Variants in TMIGD3 observed in about 807,000 individuals in gnomAD.
The protein encoded by TMIGD3 is AD026 protein (AD026).
In TMIGD3, 21 loss-of-function variants were observed where a neutral mutation model predicts 28.1. That is an observed-to-expected ratio of 0.75 (90% CI 0.53 to 1.08). The LOEUF (loss-of-function observed/expected upper bound fraction) is 1.08. Among genes scored for constraint, TMIGD3 ranks in the 50% least tolerant of loss-of-function variants. The pLI, the probability that TMIGD3 is intolerant of heterozygous loss-of-function variation, is 0.00. For missense variants in TMIGD3, 416 were observed against 435.6 expected (o/e 0.96, Z 0.40); for synonymous variants, 151 against 162.1 (o/e 0.93, Z 0.52).
At chr1:111,521,956 G>T (rs562449992) in intron 1 of TMIGD3, among the ~76,000 whole-genome samples, 3 of 152,234 alleles carry the variant, frequency 2.0e-5, no homozygotes, top group South Asian at 2.1e-4. Context: ...AAGGGTTGAG[G>T]TTCATTTTAT....
At position 111,529,997 on chromosome 1, in the gene TMIGD3, C is replaced by T. The variant is rs368236454; in HGVS notation, c.107+33849G>A. On this transcript the variant is annotated intron_variant, in intron 1 of 5. Transcript: ENST00000369717. ...GGATGGGGCGGCTGGCCGGGCGGGG[C>T]GCTGACCCCCCCACCTCCCTCCCGG... Among the ~76,000 whole-genome samples the T allele has an allele frequency of 8.8e-3, 503 of 57,184 alleles. 10 individuals are homozygous for T. Among genetic ancestry groups the T allele is most frequent in the African/African-American group, 0.028 (476 of 16,934 alleles). The allele number at this position is 57,184 out of a possible 152,430, so 37.5% of individuals were successfully genotyped here.
chr1:111,486,756 T>A, intron 3 of TMIGD3, 104 bp from the exon 4 acceptor site: 1 of 965,884 alleles, frequency 1.0e-6, no homozygotes, highest in Admixed American at 1.9e-5. Context: ...AGAGAGTGAG[T>A]CCCCTGGTTG....
intron 1 of TMIGD3, among the ~76,000 whole-genome samples, chr1:111,533,648 G>A (rs1656526659): frequency 6.6e-6 from 1 of 152,136 alleles, no homozygotes; most frequent in East Asian, 1.9e-4. Flanking sequence ...CCACTCCCTA[G>A]GCTCAAGTGA....
intron 1 of TMIGD3, among the ~76,000 whole-genome samples, chr1:111,557,536 T>A: frequency 6.7e-6 from 1 of 149,272 alleles, no homozygotes; most frequent in South Asian, 2.1e-4. Context: ...GGCAATAGAG[T>A]GAGACTCCAT....
chr1:111,540,361 G>A lies in TMIGD3; in HGVS notation c.107+23485C>T, dbSNP rs536979213. Among the ~76,000 whole-genome samples the A allele has an allele frequency of 3.3e-5, 5 of 152,320 alleles. No homozygotes were observed. In the South Asian group the frequency reaches 8.3e-4, roughly 25 times the overall value. On this transcript the variant is annotated intron_variant, in intron 1 of 5. Transcript: ENST00000369717. Reference sequence around the variant, plus strand: ...TCTGCTGCTTCATCTCCTTGGCATGGGGCAGCAGCCAGTCCTGCAGTTAGC... The same window carrying A: ...TCTGCTGCTTCATCTCCTTGGCATGAGGCAGCAGCCAGTCCTGCAGTTAGC...
chr1:111,507,812 C>A (rs924997598), upstream of TMIGD3, among the ~76,000 whole-genome samples: 1 of 152,230 alleles, frequency 6.6e-6, no homozygotes, highest in Non-Finnish European at 1.5e-5. Flanking sequence ...GTTTGCTAGC[C>A]GACAGCTGAG....
At chr1:111,504,253 T>G, upstream of TMIGD3, 3 of 456,894 alleles carry the variant, frequency 6.6e-6, no homozygotes, top group Non-Finnish European at 8.6e-6. Flanking sequence ...ACACTGGCAC[T>G]TATGCTGGCA....
At chr1:111,491,230 G>C (rs528330861) in intron 1 of TMIGD3, among the ~76,000 whole-genome samples, 1 of 152,238 alleles carries the variant, frequency 6.6e-6, no homozygotes, top group Non-Finnish European at 1.5e-5. Context: ...CACGGGTGGC[G>C]CATGCCAGCT....
At chr1:111,534,082 A>G (rs1294125899) in intron 1 of TMIGD3, among the ~76,000 whole-genome samples, 1 of 152,132 alleles carries the variant, frequency 6.6e-6, no homozygotes, top group African/African-American at 2.4e-5. Context: ...TATAATAAGA[A>G]CGATATAGAT....
chr1:111,516,579 G>A (rs1472806264), intron 1 of TMIGD3, among the ~76,000 whole-genome samples: 1 of 152,182 alleles, frequency 6.6e-6, no homozygotes, highest in Admixed American at 6.5e-5. Context: ...AGAACACACA[G>A]GACACACAAT....
chr1:111,539,830 G>T (rs1383647905), intron 1 of TMIGD3, among the ~76,000 whole-genome samples: 2 of 152,186 alleles, frequency 1.3e-5, no homozygotes, highest in African/African-American at 4.8e-5. Context: ...CAGGGAGGCT[G>T]GTGATGCAGT....
intron 1 of TMIGD3, among the ~76,000 whole-genome samples, chr1:111,535,244 T>G (rs537416742): frequency 6.6e-6 from 1 of 152,330 alleles, no homozygotes; most frequent in East Asian, 1.9e-4. Context: ...CCACCCCACC[T>G]CTAAACTCCA....
chr1:111,504,861 C>A (rs1432719006), upstream of TMIGD3: 3 of 985,140 alleles, frequency 3.0e-6, no homozygotes, highest in African/African-American at 1.7e-5. Context: ...TTACCAAATC[C>A]CATACTTGTC....
chr1:111,486,804 T>C, intron 3 of TMIGD3, 152 bp from the exon 4 acceptor site: 1 of 706,508 alleles, frequency 1.4e-6, no homozygotes, highest in Non-Finnish European at 2.5e-6. Flanking sequence ...CGCAGTTGTA[T>C]AAATGTGCCC....
intron 1 of TMIGD3, among the ~76,000 whole-genome samples, chr1:111,525,356 G>A (rs1446630360): frequency 1.3e-5 from 2 of 152,158 alleles, no homozygotes; most frequent in African/African-American, 4.8e-5. Flanking sequence ...CTGTTATTAA[G>A]TACATAAAAG....
At chr1:111,559,168 G>A (rs1404240360) in intron 1 of TMIGD3, among the ~76,000 whole-genome samples, 2 of 151,078 alleles carry the variant, frequency 1.3e-5, no homozygotes, top group African/African-American at 2.4e-5. Flanking sequence ...AAACTTGTGG[G>A]ATACAACTAA....
chr1:111,513,270 C>T (rs1392518275), intron 1 of TMIGD3, among the ~76,000 whole-genome samples: 2 of 152,202 alleles, frequency 1.3e-5, no homozygotes, highest in Non-Finnish European at 2.9e-5. Flanking sequence ...TATAAAGGGG[C>T]CACCTCCTGC....
intron 1 of TMIGD3, among the ~76,000 whole-genome samples, chr1:111,492,482 T>G (rs1469892642): frequency 6.6e-6 from 1 of 151,866 alleles, no homozygotes; most frequent in African/African-American, 2.4e-5. Context: ...AAAAGAGAAA[T>G]GGATTGTGCA....
intron 1 of TMIGD3, among the ~76,000 whole-genome samples, chr1:111,531,834 G>A (rs1032446552): frequency 1.3e-5 from 2 of 152,090 alleles, no homozygotes; most frequent in African/African-American, 4.8e-5. Flanking sequence ...CTACAGGAAT[G>A]TGCCATCACA....
Sources: gnomAD v4.1 joint callset for allele counts (sites outside exome capture counted in the v4.1 genomes callset) on GRCh38, gnomAD v4.1.1 for gene constraint, MANE v1.5 for transcripts, NCBI Gene and HGNC (gene_info 2026-07-23, HGNC 2026-07-21) for gene names.